KIAA0513: variants seen among roughly 807,000 people sequenced by gnomAD.
KIAA0513 encodes KIAA0513, also known as uncharacterized protein KIAA0513.
A neutral mutation model predicts 56.5 loss-of-function variants in KIAA0513; 39 were observed. That is an observed-to-expected ratio of 0.69 (90% CI 0.53 to 0.90). KIAA0513 has a LOEUF of 0.90. KIAA0513 is among the 40% of genes least tolerant of loss of function. The pLI is 0.00. For synonymous variants in KIAA0513, 268 were observed against 215.6 expected (o/e 1.24, Z -2.13); for missense variants, 591 against 535.2 (o/e 1.10, Z -1.03).
At chr16:85,034,038 C>G (rs2073002525) in intron 1 of KIAA0513, among the ~76,000 whole-genome samples, 1 of 152,142 alleles carries the variant, frequency 6.6e-6, no homozygotes, top group Admixed American at 6.6e-5. Context: ...CTTCCTCCAA[C>G]CTCGCCACAG....
chr16:85,077,748 C>G, intron 6 of KIAA0513, 116 bp downstream of exon 6: 1 of 748,370 alleles, frequency 1.3e-6, no homozygotes, highest in South Asian at 1.9e-5. Flanking sequence ...GTCAGGAACA[C>G]TGCGCTGCCC....
intron 1 of KIAA0513, among the ~76,000 whole-genome samples, chr16:85,058,580 T>C (rs1298271608): frequency 1.3e-5 from 2 of 148,760 alleles, no homozygotes; most frequent in African/African-American, 5.0e-5. Context: ...TGAATCCGGG[T>C]GGCAAAGGTT....
chr16:85,030,749 A>G (rs2072953486), intron 1 of KIAA0513, among the ~76,000 whole-genome samples: 1 of 151,998 alleles, frequency 6.6e-6, no homozygotes, highest in African/African-American at 2.4e-5. Context: ...ATCTAAAAAA[A>G]AAAAAAAAAG....
At chr16:85,047,153 C>T (rs997499974) in intron 1 of KIAA0513, among the ~76,000 whole-genome samples, 6 of 152,300 alleles carry the variant, frequency 3.9e-5, no homozygotes, top group Admixed American at 6.5e-5. Context: ...GTTTTGGTGC[C>T]GTTTTCCAAG....
chr16:85,034,981 C>T (rs1437395070), intron 1 of KIAA0513, among the ~76,000 whole-genome samples: 1 of 152,214 alleles, frequency 6.6e-6, no homozygotes, highest in South Asian at 2.1e-4. Context: ...AAGTGCTCTG[C>T]AGGGCGCTGG....
At chr16:85,079,168 T>C in intron 8 of KIAA0513, 165 bp downstream of exon 8, 2 of 1,413,280 alleles carry the variant, frequency 1.4e-6, no homozygotes, top group Non-Finnish European at 1.9e-6. Flanking sequence ...TTGGTGAGGA[T>C]GTGGAGAAAC....
At chr16:85,082,328 G>A (rs185936925) in intron 9 of KIAA0513, among the ~76,000 whole-genome samples, 2 of 152,224 alleles carry the variant, frequency 1.3e-5, no homozygotes, top group East Asian at 1.9e-4. Flanking sequence ...GAGAGACCCC[G>A]CTGTGCCAGG....
At chr16:85,085,131 C>T (rs532906713) in intron 10 of KIAA0513, among the ~76,000 whole-genome samples, 31 of 152,222 alleles carry the variant, frequency 2.0e-4, no homozygotes, top group African/African-American at 5.3e-4. Flanking sequence ...GCGAGGGGTG[C>T]GGGGGTTTAT....
chr16:85,073,957 G>T (rs991479070), intron 4 of KIAA0513, among the ~76,000 whole-genome samples: 4 of 150,270 alleles, frequency 2.7e-5, no homozygotes, highest in African/African-American at 9.8e-5. Flanking sequence ...CGTTTTTTTT[G>T]TTTTGTTTTG....
chr16:85,028,834 G>A (rs1160379969), intron 1 of KIAA0513, among the ~76,000 whole-genome samples: 2 of 152,206 alleles, frequency 1.3e-5, no homozygotes, highest in Non-Finnish European at 2.9e-5. Context: ...CGTGGAAGTA[G>A]TGGCTGTGGT....
At chr16:85,048,302 G>A (rs1484917944) in intron 1 of KIAA0513, among the ~76,000 whole-genome samples, 1 of 152,154 alleles carries the variant, frequency 6.6e-6, no homozygotes, top group East Asian at 1.9e-4. Context: ...CAGCACGCGA[G>A]CCTATCCTTT....
In KIAA0513 at chr16:85,075,910, C is replaced by T. The variant is rs1597635783; in HGVS notation, c.570C>T (p.His190=). 3 of 1,612,830 alleles carry T rather than the reference C, an allele frequency of 1.9e-6. No homozygotes were observed. In the South Asian group the frequency reaches 3.3e-5, roughly 18 times the overall value. The change falls in exon 5 of 13, where the codon CAC becomes CAT. Residue 190 remains histidine, a synonymous_variant. Coordinates refer to ENST00000683363, the MANE Select transcript of KIAA0513 (RefSeq NM_001388359.1). Reference sequence around the variant, plus strand: ...TGACCATGTGCTTCACCTACTACCACATCGGTAAGACATGGGTGGGCTGAT... The same window carrying T: ...TGACCATGTGCTTCACCTACTACCATATCGGTAAGACATGGGTGGGCTGAT... ...NLMTMCFTYY[H]IGKPQLLPPE... is the part of the protein sequence containing the mutation.
At chr16:85,072,885 G>C (rs144677149) in intron 3 of KIAA0513, 40 bp from the exon 4 acceptor site, 27,371 of 1,596,626 alleles carry the variant, frequency 0.017, 309 homozygotes, top group Non-Finnish European at 0.02. Context: ...TGCGTGTGTC[G>C]CCCTGAACCT....
intron 1 of KIAA0513, among the ~76,000 whole-genome samples, chr16:85,042,004 C>T (rs2073110006): frequency 6.6e-6 from 1 of 152,150 alleles, no homozygotes; most frequent in Non-Finnish European, 1.5e-5. Flanking sequence ...TTGCCAGAAG[C>T]CTGAAGTCTC....
intron 1 of KIAA0513, among the ~76,000 whole-genome samples, chr16:85,050,226 T>C (rs1168156911): frequency 6.6e-6 from 1 of 152,064 alleles, no homozygotes; most frequent in Admixed American, 6.5e-5. Context: ...AAAGTGTAAA[T>C]CCAGGTGCTT....
intron 1 of KIAA0513, among the ~76,000 whole-genome samples, chr16:85,061,307 G>C (rs1433146822): frequency 1.3e-5 from 2 of 152,174 alleles, no homozygotes; most frequent in African/African-American, 4.8e-5. Flanking sequence ...ATCTAGAAAT[G>C]CCTCCTCAAG....
chr16:85,070,447 G>T (rs1388822772), intron 2 of KIAA0513, among the ~76,000 whole-genome samples: 1 of 152,152 alleles, frequency 6.6e-6, no homozygotes, highest in African/African-American at 2.4e-5. Context: ...GGGAGGCGAG[G>T]CAGGTGTATC....
At chr16:85,056,120 G>T (rs773184100) in intron 1 of KIAA0513, among the ~76,000 whole-genome samples, 1 of 152,268 alleles carries the variant, frequency 6.6e-6, no homozygotes, top group Non-Finnish European at 1.5e-5. Context: ...TGAGAAGCAC[G>T]TGCCAGCAGG....
intron 1 of KIAA0513, among the ~76,000 whole-genome samples, chr16:85,028,448 C>G (rs1441884037): frequency 6.6e-6 from 1 of 152,120 alleles, no homozygotes; most frequent in Non-Finnish European, 1.5e-5. Flanking sequence ...TCTGCGTCTT[C>G]CCTCTGCTCT....
Sources: allele counts gnomAD v4.1 joint callset (sites outside exome capture counted in the v4.1 genomes callset), GRCh38; gene constraint gnomAD v4.1.1; transcripts MANE v1.5; gene names NCBI Gene and HGNC (gene_info 2026-07-23, HGNC 2026-07-21).